Variants in FARP1 observed in about 807,000 individuals in gnomAD.
FARP1 encodes the protein FERM, ARH/RhoGEF and pleckstrin domain protein 1.
Under a neutral mutation model 128.8 loss-of-function variants are expected in FARP1, and 52 were observed. The observed-to-expected ratio is 0.40, with a 90% CI of 0.32 to 0.51. The LOEUF (loss-of-function observed/expected upper bound fraction) is 0.51. Ranked by LOEUF, FARP1 falls within the 20% of genes least tolerant of loss-of-function variation. The pLI, the probability that FARP1 is intolerant of heterozygous loss-of-function variation, is 0.45. For missense variants in FARP1, 1,333 were observed against 1,367.9 expected (o/e 0.97, Z 0.40); for synonymous variants, 580 against 551.8 (o/e 1.05, Z -0.72).
intron 2 of FARP1, among the ~76,000 whole-genome samples, chr13:98,276,082 A>C (rs1045150186): frequency 7.9e-5 from 12 of 152,152 alleles, no homozygotes; most frequent in African/African-American, 2.9e-4. Flanking sequence ...ACATCTCTGC[A>C]TGTTCATTCT....
chr13:98,446,613 C>A, intron 25 of FARP1, 53 bp from the exon 26 acceptor site: 1 of 1,590,434 alleles, frequency 6.3e-7, no homozygotes, highest in South Asian at 1.1e-5. Context: ...CAGCCAGGCC[C>A]AGCAGCAGAA....
intron 16 of FARP1, among the ~76,000 whole-genome samples, chr13:98,416,690 G>A (rs1891387243): frequency 6.6e-6 from 1 of 152,214 alleles, no homozygotes; most frequent in Admixed American, 6.5e-5. Flanking sequence ...TTGGCGTGCA[G>A]TCAGGACTCC....
At chr13:98,164,452 T>A (rs1259504911) in intron 1 of FARP1, among the ~76,000 whole-genome samples, 1 of 152,248 alleles carries the variant, frequency 6.6e-6, no homozygotes, top group African/African-American at 2.4e-5. Flanking sequence ...AGGTTTATGC[T>A]CAAAAGCCTT....
At chr13:98,336,814 A>G (rs945501813) in intron 2 of FARP1, among the ~76,000 whole-genome samples, 4 of 152,252 alleles carry the variant, frequency 2.6e-5, no homozygotes, top group African/African-American at 9.6e-5. Context: ...GCGCTAGATT[A>G]AAATTCAACT....
chr13:98,208,535 G>A (rs1393550535), intron 1 of FARP1: 1 of 151,930 alleles, frequency 6.6e-6, no homozygotes, highest in African/African-American at 2.4e-5. Flanking sequence ...TGGTAACACT[G>A]GGGTTCTGAG....
intron 1 of FARP1, among the ~76,000 whole-genome samples, chr13:98,165,709 GGTTTTTT>G (rs1877203007): frequency 9.8e-6 from 1 of 102,404 alleles, no homozygotes. Flanking sequence ...TTCCAGAAGG[GGTTTTTT>G]TTTTTTTTTT....
At chr13:98,233,855 C>A (rs1882279458) in intron 2 of FARP1, 2 of 152,220 alleles carry the variant, frequency 1.3e-5, no homozygotes, top group Admixed American at 1.3e-4. Context: ...CCCTGCTCAT[C>A]TCAGAAAGGT....
At chr13:98,230,343 A>G (rs954070238) in intron 2 of FARP1, among the ~76,000 whole-genome samples, 1 of 152,202 alleles carries the variant, frequency 6.6e-6, no homozygotes, top group African/African-American at 2.4e-5. Flanking sequence ...CCCCAGTGCA[A>G]TCTATGTTTA....
At chr13:98,337,422 AAC>A (rs976065882) in intron 2 of FARP1, among the ~76,000 whole-genome samples, 1 of 152,012 alleles carries the variant, frequency 6.6e-6, no homozygotes, top group African/African-American at 2.4e-5. Flanking sequence ...AAAACAACAA[AAC>A]ACTCATTTGT....
At chr13:98,296,315 T>C (rs182104031) in intron 2 of FARP1, among the ~76,000 whole-genome samples, 3 of 152,248 alleles carry the variant, frequency 2.0e-5, no homozygotes, top group Admixed American at 6.5e-5. Flanking sequence ...AGGTACACCT[T>C]GCCGCCAGCA....
intron 2 of FARP1, among the ~76,000 whole-genome samples, chr13:98,311,998 C>T (rs1017976568): frequency 2.6e-5 from 4 of 151,844 alleles, no homozygotes; most frequent in Admixed American, 6.6e-5. Flanking sequence ...CACCTACCAC[C>T]ATGCTTGGCT....
chr13:98,179,750 G>A lies in FARP1; in HGVS notation c.-23-33470G>A, dbSNP rs572148856. 7.0e-4 allele frequency among the ~76,000 whole-genome samples: 107 copies of A among 152,078 alleles called. 1 individual carries two copies. The highest frequency in any genetic ancestry group is 2.3e-3 in the African/African-American group (95 of 41,498). ...CGGGTGCCTGTAGCCCCAGCTACTC[G>A]GAAGGCTGAGGCAGGAGAATGGCGT... On this transcript the variant is annotated intron_variant, in intron 1 of 26. Coordinates refer to ENST00000319562, the MANE Select transcript of FARP1 (RefSeq NM_005766.4).
intron 15 of FARP1, 106 bp from the exon 16 acceptor site, chr13:98,411,795 C>A (rs1297995846): frequency 2.4e-6 from 3 of 1,238,646 alleles, no homozygotes; most frequent in African/African-American, 3.0e-5. Flanking sequence ...CGCAGGAAAG[C>A]CCTGGCTCCT....
intron 8 of FARP1, among the ~76,000 whole-genome samples, chr13:98,386,955 A>AT (rs540185463): frequency 1.3e-3 from 191 of 152,232 alleles, no homozygotes; most frequent in Non-Finnish European, 2.4e-3. Flanking sequence ...TTCAAGGCGG[A>AT]TTTTTTCTTG....
At chr13:98,333,284 A>T (rs770010821) in intron 2 of FARP1, 1 of 152,168 alleles carries the variant, frequency 6.6e-6, no homozygotes. Context: ...TTATTCATCT[A>T]CTTCTAAAAG....
chr13:98,176,746 A>G lies in FARP1; in HGVS notation c.-24+33254A>G. 3 of 1,614,048 alleles carry G rather than the reference A, an allele frequency of 1.9e-6. No homozygotes were observed. The highest frequency in any genetic ancestry group is 2.5e-6 in the Non-Finnish European group (3 of 1,179,988). ...CGCCATCCCCGAGGAGGAGTTGCCC[A>G]TGGACGTGTCCTTGGGCTTCAGGTA... is the stretch of plus-strand genomic sequence containing the variant. On this transcript the variant is annotated intron_variant, in intron 1 of 26. Coordinates refer to ENST00000319562, the MANE Select transcript of FARP1 (RefSeq NM_005766.4). The surrounding 1 kb of genome is among the most constrained non-coding windows in gnomAD (Gnocchi z 6.2).
chr13:98,435,895 G>C, intron 19 of FARP1, 189 bp downstream of exon 19: 1 of 698,652 alleles, frequency 1.4e-6, no homozygotes, highest in East Asian at 2.9e-5. Context: ...AGGAGATAAA[G>C]CAATCCTCTG....
intron 2 of FARP1, chr13:98,333,288 C>A (rs879717570): frequency 1.3e-5 from 2 of 152,038 alleles, no homozygotes; most frequent in African/African-American, 2.4e-5. Context: ...TCATCTACTT[C>A]TAAAAGGGTG....
At chr13:98,409,651 G>A in intron 14 of FARP1, 126 bp downstream of exon 14, 1 of 787,908 alleles carries the variant, frequency 1.3e-6, no homozygotes, top group East Asian at 3.0e-5. Flanking sequence ...CAAGTGTACA[G>A]CTTGCTGGCA....
Sources: allele counts gnomAD v4.1 joint callset (sites outside exome capture counted in the v4.1 genomes callset), GRCh38; gene constraint gnomAD v4.1.1; non-coding constraint Gnocchi (gnomAD v3.1); transcripts MANE v1.5; gene names NCBI Gene and HGNC (gene_info 2026-07-23, HGNC 2026-07-21).